The following DYNC1H1 variants were observed in gnomAD, a reference collection of about 807,000 sequenced individuals.
DYNC1H1 encodes dynein cytoplasmic 1 heavy chain 1.
A neutral mutation model predicts 527.1 loss-of-function variants in DYNC1H1; 51 were observed. The ratio of observed to expected loss-of-function variants is 0.10; its 90% CI spans 0.08 to 0.12. The LOEUF is 0.12. DYNC1H1 is among the 10% of genes least tolerant of loss of function. The probability of loss-of-function intolerance (pLI) is 1.00; values close to 1 mark genes in which losing one functional copy is unlikely to be tolerated. For missense variants in DYNC1H1, 2,771 were observed against 5,971.8 expected, an observed-to-expected ratio of 0.46 and a Z score of 17.66; for synonymous variants, 2,189 against 2,278.8, an observed-to-expected ratio of 0.96 and a Z score of 1.12.
At chr14:102,022,223 G>A (rs1022353740) in intron 42 of DYNC1H1, among the ~76,000 whole-genome samples, 2 of 152,034 alleles carry the variant, frequency 1.3e-5, no homozygotes, top group East Asian at 1.9e-4. Flanking sequence ...TGGGCTGGGC[G>A]AGGTGGCTCA....
At chr14:102,043,777 A>G in intron 69 of DYNC1H1, 98 bp from the exon 70 acceptor site, 1 of 1,541,346 alleles carries the variant, frequency 6.5e-7, no homozygotes, top group Non-Finnish European at 8.9e-7. Context: ...CAGGATGTGG[A>G]GAGCTCTTTG....
chr14:102,051,542 G>A lies in DYNC1H1; in HGVS notation c.*979G>A, dbSNP rs995316136. On this transcript the variant is annotated 3_prime_UTR_variant, in exon 78 of 78. Coordinates refer to ENST00000360184, the MANE Select transcript of DYNC1H1 (RefSeq NM_001376.5). The stretch of plus-strand genomic sequence containing the variant: ...GCTGTAGATGAGGGAGTTGCCCATC[G>A]CCGCCCTAGCAAGTCCATTCCCACA... The A allele has an allele frequency of 5.9e-5, 9 of 152,206 alleles. No homozygotes were observed. Among genetic ancestry groups the A allele is most frequent in the East Asian group, 5.8e-4 (3 of 5,190 alleles). 9.4% of individuals were successfully genotyped at this position (152,206 alleles called of 1,614,324 possible).
rs1233535793 is a variant in DYNC1H1, at chr14:102,056,051, T to G, written c.*5488T>G. 6.6e-6 allele frequency: 1 copy of G among 152,206 alleles called. No homozygotes were observed. The highest frequency in any genetic ancestry group is 1.5e-5 in the Non-Finnish European group (1 of 68,052). The allele number at this position is 152,206 out of a possible 1,614,324, so 9.4% of individuals were successfully genotyped here. On this transcript the variant is annotated 3_prime_UTR_variant, in exon 78 of 78. Transcript: ENST00000360184. ...GGAGAGAGACCCTCTCATATTGTTT[T>G]ATACTCAGTACCTGTTTTAAGAAAA...
intron 11 of DYNC1H1, 119 bp downstream of exon 11, chr14:101,991,792 C>T: frequency 2.8e-6 from 4 of 1,433,170 alleles, no homozygotes; most frequent in Non-Finnish European, 3.9e-6. Flanking sequence ...AAACTCCAGA[C>T]ATCCCAGGGG....
chr14:101,997,226 C>A lies in DYNC1H1; in HGVS notation c.3756C>A (p.Ser1252Arg). 6.2e-7 allele frequency: 1 copy of A among 1,614,022 alleles called. No homozygotes were observed. The highest frequency in any genetic ancestry group is 8.5e-7 in the Non-Finnish European group (1 of 1,180,000). ...KIVQEDRAVE[S>R]RTTDLLTDWE... ...TCCAGGAGGATCGGGCCGTGGAAAGCCGCACCACCGACCTGCTGACTGACT... is the reference window on the plus strand; with the variant it reads ...TCCAGGAGGATCGGGCCGTGGAAAGACGCACCACCGACCTGCTGACTGACT... Residue 1252 changes from serine to arginine, a missense_variant, in exon 16 of 78, where the codon AGC becomes AGA. Transcript: ENST00000360184. This position sits in a 1 kb window ranked among gnomAD's most constrained non-coding sequence, Gnocchi z 4.8.
chr14:102,030,188 G>A lies in DYNC1H1; in HGVS notation c.9789G>A (p.Gln3263=), dbSNP rs777022650. 6.2e-7 allele frequency: 1 copy of A among 1,614,200 alleles called. No homozygotes were observed. The highest frequency in any genetic ancestry group is 8.5e-7 in the Non-Finnish European group (1 of 1,180,030). The change falls in exon 51 of 78, where the codon CAG becomes CAA. Residue 3263 remains glutamine (Q), a synonymous_variant. Transcript: ENST00000360184. The part of the protein sequence containing the change: ...KKVMSQEIQE[Q]LHKQQEVIAD... ...TTATGAGCCAAGAAATCCAGGAACA[G>A]CTGCATAAGCAGCAGGAGGTAATTG... is the stretch of plus-strand genomic sequence containing the variant.
At chr14:101,974,173 C>T (rs934712404) in intron 1 of DYNC1H1, among the ~76,000 whole-genome samples, 1 of 152,204 alleles carries the variant, frequency 6.6e-6, no homozygotes, top group African/African-American at 2.4e-5. Context: ...GATCTCAACT[C>T]ACCACAACCT....
chr14:102,043,597 T>A, intron 69 of DYNC1H1: 1 of 488,172 alleles, frequency 2.0e-6, no homozygotes. Context: ...AATTCTGTTC[T>A]ATTTTGTGCC....
At chr14:101,967,287 C>T (rs1459267100) in intron 1 of DYNC1H1, among the ~76,000 whole-genome samples, 1 of 152,032 alleles carries the variant, frequency 6.6e-6, no homozygotes, top group African/African-American at 2.4e-5. Flanking sequence ...TAGTTAATTA[C>T]AGTGAAAAGA....
chr14:102,038,638 T>C lies in DYNC1H1; in HGVS notation c.11055+32T>C. 6.2e-7 allele frequency: 1 copy of C among 1,614,242 alleles called. No homozygotes were observed. The highest frequency in any genetic ancestry group is 8.5e-7 in the Non-Finnish European group (1 of 1,180,044). ...AATGGGACCCTTCCCCAGGGAAATC[T>C]GGCAGGATGTGGTTTTGAAACTGGA... On this transcript the variant is annotated intron_variant, in intron 58 of 77. Coordinates refer to ENST00000360184, the MANE Select transcript of DYNC1H1 (RefSeq NM_001376.5). The surrounding 1 kb of genome is among the most constrained non-coding windows in gnomAD (Gnocchi z 7.2).
At chr14:102,048,315 G>A (rs1255274683) in intron 73 of DYNC1H1, 1 of 778,876 alleles carries the variant, frequency 1.3e-6, no homozygotes, top group Non-Finnish European at 2.0e-6. Context: ...TGCGACTCGG[G>A]CAGGGGCCTC....
Position 102,049,047 on chromosome 14 carries a change from T to TG in DYNC1H1, c.13372+384dup, listed in dbSNP as rs370950369. 1.8e-4 allele frequency: 76 copies of TG among 424,028 alleles called. No individual in the cohort carries two copies. The highest frequency in any genetic ancestry group is 1.2e-3 in the African/African-American group (61 of 49,530). 26.3% of individuals were successfully genotyped at this position (424,028 alleles called of 1,614,324 possible). A position where few individuals can be genotyped will look rare whatever the true frequency, so the allele number is the denominator to read the frequency against. On this transcript the variant is annotated intron_variant, in intron 74 of 77. Coordinates refer to ENST00000360184, the MANE Select transcript of DYNC1H1 (RefSeq NM_001376.5). This position sits in a 1 kb window ranked among gnomAD's most constrained non-coding sequence, Gnocchi z 5.5. ...GTGGAAAAGCAGGGGCAGGCGGGCA[T>TG]GGGGGGCTCATCCAAAGTTGTGGGG... is the stretch of plus-strand genomic sequence containing the variant.
At chr14:101,968,655 G>T (rs72715693) in intron 1 of DYNC1H1, among the ~76,000 whole-genome samples, 1 of 151,740 alleles carries the variant, frequency 6.6e-6, no homozygotes, top group Non-Finnish European at 1.5e-5. Context: ...CTCAACCTCC[G>T]GTCTCAAGCG....
At chr14:101,967,934 G>T (rs767564653) in intron 1 of DYNC1H1, among the ~76,000 whole-genome samples, 14 of 152,224 alleles carry the variant, frequency 9.2e-5, no homozygotes, top group Admixed American at 6.5e-4. Context: ...AAGGGATTAA[G>T]TTATAGCTCC....
rs61992469 is a variant in DYNC1H1 at position 102,040,917 on chromosome 14, C to G, written c.11941+244C>G. 3.2e-3 allele frequency: 1,780 copies of G among 563,426 alleles called. 8 individuals are homozygous for G. Among genetic ancestry groups the G allele is most frequent in the Non-Finnish European group, 4.4e-3 (1,382 of 312,356 alleles). The allele number at this position is 563,426 out of a possible 1,614,324, so 34.9% of individuals were successfully genotyped here. A position where few individuals can be genotyped will look rare whatever the true frequency, so the allele number is the denominator to read the frequency against. ...GAGGTTGTGTGAGCTGTGATTGCAC[C>G]ACTGCACTCCAGCCTGGGCAGCAGA... On this transcript the variant is annotated intron_variant, in intron 64 of 77. Transcript: ENST00000360184.
Position 102,004,745 on chromosome 14 carries a change from A to C in DYNC1H1, c.5050-17A>C. On this transcript the variant is annotated splice_polypyrimidine_tract_variant and intron_variant, in intron 24 of 77. Transcript: ENST00000360184. ...CATTTTTGCATACCTCATTTCTTAA[A>C]ATTGTATTTATTTCAGGTTATGTTT... is the stretch of plus-strand genomic sequence containing the variant. 6.2e-7 allele frequency: 1 copy of C among 1,614,112 alleles called. No individual in the cohort carries two copies. Among genetic ancestry groups the C allele is most frequent in the Non-Finnish European group, 8.5e-7 (1 of 1,180,014 alleles).
At chr14:101,982,199 A>C (rs2047875479) in intron 5 of DYNC1H1, among the ~76,000 whole-genome samples, 1 of 152,222 alleles carries the variant, frequency 6.6e-6, no homozygotes, top group Non-Finnish European at 1.5e-5. Flanking sequence ...TGATCTGTCC[A>C]CCATCTCCCA....
Position 101,986,814 on chromosome 14 carries a change from A to T in DYNC1H1, c.2538+51A>T, listed in dbSNP as rs2047943162. 1 of 1,601,308 alleles carries T rather than the reference A, an allele frequency of 6.2e-7. No individual in the cohort carries two copies. The highest frequency in any genetic ancestry group is 1.3e-5 in the African/African-American group (1 of 74,676). ...GTCCTGGTAACGAATGAAGCACAGT[A>T]ATAGCGAGCTCAGTTAAAACACTAG... On this transcript the variant is annotated intron_variant, in intron 8 of 77. Coordinates refer to ENST00000360184, the MANE Select transcript of DYNC1H1 (RefSeq NM_001376.5). The surrounding 1 kb of genome is among the most constrained non-coding windows in gnomAD (Gnocchi z 8.7).
chr14:101,971,604 T>C (rs113505962), intron 1 of DYNC1H1, among the ~76,000 whole-genome samples: 4 of 152,104 alleles, frequency 2.6e-5, no homozygotes, highest in African/African-American at 9.6e-5. Context: ...TGCACAACTG[T>C]ATCCCAGCTA....
Sources: allele counts gnomAD v4.1 joint callset (sites outside exome capture counted in the v4.1 genomes callset), GRCh38; gene constraint gnomAD v4.1.1; non-coding constraint Gnocchi (gnomAD v3.1); transcripts MANE v1.5; gene names NCBI Gene and HGNC (gene_info 2026-07-23, HGNC 2026-07-21).